Variants in DMXL2 observed in about 807,000 individuals in gnomAD.
DMXL2 encodes Dmx like 2.
DMXL2 carries 103 observed loss-of-function variants against 331.1 expected under a neutral mutation model. The observed-to-expected ratio is 0.31, with a 90% confidence interval of 0.27 to 0.37. The LOEUF is 0.37. Ranked by LOEUF, DMXL2 falls within the 10% of genes least tolerant of loss-of-function variation. The probability of loss-of-function intolerance (pLI) is 1.00; values close to 1 mark genes in which losing one functional copy is unlikely to be tolerated. For synonymous variants in DMXL2, 1,281 were observed against 1,252.1 expected (o/e 1.02, Z -0.49); for missense variants, 3,171 against 3,642.9 (o/e 0.87, Z 3.33).
intron 19 of DMXL2, among the ~76,000 whole-genome samples, chr15:51,494,040 A>G (rs1015011092): frequency 1.3e-5 from 2 of 152,184 alleles, no homozygotes; most frequent in Non-Finnish European, 2.9e-5. Flanking sequence ...AAGAATTTTC[A>G]TGCCTTTTGA....
chr15:51,574,566 G>A (rs551767254), intron 2 of DMXL2, among the ~76,000 whole-genome samples: 3 of 151,954 alleles, frequency 2.0e-5, no homozygotes, highest in Admixed American at 6.6e-5. Flanking sequence ...TGACACTTAC[G>A]CAAAAAGTGT....
chr15:51,588,070 T>G lies in DMXL2; in HGVS notation c.88-11889A>C, dbSNP rs545106116. Among the ~76,000 whole-genome samples the G allele has an allele frequency of 2.0e-5, 3 of 152,296 alleles. No homozygotes were observed. In the South Asian group the frequency reaches 6.2e-4, roughly 32 times the overall value. The stretch of plus-strand genomic sequence containing the variant: ...GTTAATTGTAGATTCTGGATATTAG[T>G]GCTTTGTCAGCTGAGTAGGTTGCAG... On this transcript the variant is annotated intron_variant, in intron 1 of 43. Transcript: ENST00000560891.
intron 3 of DMXL2, 64 bp from the exon 4 acceptor site, chr15:51,565,230 A>G: frequency 1.0e-6 from 1 of 983,018 alleles, no homozygotes; most frequent in Non-Finnish European, 1.5e-6. Context: ...TAATATCCCA[A>G]AACACTACCA....
At chr15:51,592,873 T>C (rs2052495805) in intron 1 of DMXL2, among the ~76,000 whole-genome samples, 1 of 152,216 alleles carries the variant, frequency 6.6e-6, no homozygotes, top group South Asian at 2.1e-4. Flanking sequence ...CTGAGAGATT[T>C]TGTCACTGCC....
chr15:51,516,470 T>C (rs755392536), intron 14 of DMXL2, among the ~76,000 whole-genome samples: 6 of 152,348 alleles, frequency 3.9e-5, no homozygotes, highest in Admixed American at 3.3e-4. Context: ...TTACCCTCTA[T>C]TGAGTTGAAA....
chr15:51,537,920 C>T (rs1367867437), intron 10 of DMXL2, among the ~76,000 whole-genome samples, 161 bp from the exon 11 acceptor site: 2 of 152,102 alleles, frequency 1.3e-5, no homozygotes, highest in East Asian at 1.9e-4. Flanking sequence ...AATGTTACTA[C>T]AGTTACTACT....
chr15:51,622,247 T>C (rs533156826), intron 1 of DMXL2, among the ~76,000 whole-genome samples: 37 of 152,182 alleles, frequency 2.4e-4, no homozygotes, highest in Non-Finnish European at 4.6e-4. Context: ...TTCCTAAGCC[T>C]TTCCCCTAAC....
chr15:51,559,475 G>A (rs950340994), intron 6 of DMXL2, among the ~76,000 whole-genome samples: 2 of 152,116 alleles, frequency 1.3e-5, no homozygotes, highest in Admixed American at 1.3e-4. Flanking sequence ...AACACTTAGG[G>A]AGTCCAAAAC....
chr15:51,520,210 T>C (rs2140715152), intron 13 of DMXL2, among the ~76,000 whole-genome samples: 1 of 152,318 alleles, frequency 6.6e-6, no homozygotes, highest in East Asian at 1.9e-4. Flanking sequence ...TTCACTTTCA[T>C]GTCTTACCCA....
At chr15:51,588,097 AT>A (rs911202428) in intron 1 of DMXL2, among the ~76,000 whole-genome samples, 77 of 149,938 alleles carry the variant, frequency 5.1e-4, no homozygotes, top group African/African-American at 1.8e-3. Flanking sequence ...AGGTTGCAGA[AT>A]TTTTTTCCCA....
At chr15:51,570,363 C>T (rs955032608) in intron 2 of DMXL2, among the ~76,000 whole-genome samples, 1 of 152,122 alleles carries the variant, frequency 6.6e-6, no homozygotes, top group Non-Finnish European at 1.5e-5. Flanking sequence ...AGTTGGAAAA[C>T]ACTCTTCAGG....
At chr15:51,488,849 A>C (rs565775527) in intron 20 of DMXL2, among the ~76,000 whole-genome samples, 19 of 152,320 alleles carry the variant, frequency 1.2e-4, no homozygotes, top group African/African-American at 4.6e-4. Flanking sequence ...AATTATGGTA[A>C]AAATCCTAAT....
chr15:51,549,324 GTA>G (rs143392747), intron 6 of DMXL2, among the ~76,000 whole-genome samples: 1 of 151,230 alleles, frequency 6.6e-6, no homozygotes. Flanking sequence ...TCCATGGTGT[GTA>G]TATATATATA....
chr15:51,543,703 GC>G (rs1379168069), intron 8 of DMXL2, among the ~76,000 whole-genome samples: 2 of 152,036 alleles, frequency 1.3e-5, no homozygotes, highest in Non-Finnish European at 2.9e-5. Flanking sequence ...AAGCCAAGTG[GC>G]TCGTAAGTCA....
At chr15:51,541,376 T>C (rs1464469855) in intron 9 of DMXL2, among the ~76,000 whole-genome samples, 2 of 152,272 alleles carry the variant, frequency 1.3e-5, no homozygotes, top group South Asian at 2.1e-4. Flanking sequence ...AAGTAATCAA[T>C]ATGAAATAAA....
At chr15:51,470,653 T>C (rs1302990316) in intron 29 of DMXL2, among the ~76,000 whole-genome samples, 1 of 152,152 alleles carries the variant, frequency 6.6e-6, no homozygotes, top group African/African-American at 2.4e-5. Flanking sequence ...GAGGGAAACA[T>C]ACCAACAGAA....
chr15:51,570,729 C>A (rs1423734007), intron 2 of DMXL2, among the ~76,000 whole-genome samples: 2 of 152,122 alleles, frequency 1.3e-5, no homozygotes, highest in Non-Finnish European at 2.9e-5. Context: ...CCTTTACAGA[C>A]AAGCAAATGC....
intron 19 of DMXL2, among the ~76,000 whole-genome samples, chr15:51,494,369 G>A (rs148030366): frequency 6.6e-6 from 1 of 152,140 alleles, no homozygotes; most frequent in Non-Finnish European, 1.5e-5. Flanking sequence ...CTCTTTCCAA[G>A]ATGTTGGTTT....
At chr15:51,479,403 G>A (rs1010083509) in intron 25 of DMXL2, among the ~76,000 whole-genome samples, 1 of 152,190 alleles carries the variant, frequency 6.6e-6, no homozygotes, top group Non-Finnish European at 1.5e-5. Context: ...AAGCTCCCTA[G>A]TGTTTCTTGG....
Sources: allele counts gnomAD v4.1 joint callset (sites outside exome capture counted in the v4.1 genomes callset), GRCh38; gene constraint gnomAD v4.1.1; transcripts MANE v1.5; gene names NCBI Gene and HGNC (gene_info 2026-07-23, HGNC 2026-07-21).